The following MARCHF1 variants were observed in gnomAD, a reference collection of about 807,000 sequenced individuals.
MARCHF1 encodes the protein E3 ubiquitin-protein ligase MARCHF1.
In MARCHF1, 40 loss-of-function variants were observed where a neutral mutation model predicts 54.2. The ratio of observed to expected loss-of-function variants is 0.74; its 90% confidence interval spans 0.57 to 0.96. The LOEUF (loss-of-function observed/expected upper bound fraction) is 0.96, where lower values mean the gene tolerates loss of function less well. Among genes scored for constraint, MARCHF1 ranks in the 40% least tolerant of loss-of-function variants. The pLI, the probability that MARCHF1 is intolerant of heterozygous loss-of-function variation, is 0.00. For missense variants in MARCHF1, 586 were observed against 656.5 expected (o/e 0.89, Z 1.17); for synonymous variants, 236 against 236.3 (o/e 1.00, Z 0.01).
chr4:163,547,353 C>A (rs1738945775), intron 8 of MARCHF1, among the ~76,000 whole-genome samples: 1 of 152,214 alleles, frequency 6.6e-6, no homozygotes, highest in Admixed American at 6.5e-5. Flanking sequence ...GCCTTTCCAA[C>A]CTTTCTTGGC....
At chr4:163,696,966 A>T (rs1159232048) in intron 5 of MARCHF1, among the ~76,000 whole-genome samples, 1 of 152,090 alleles carries the variant, frequency 6.6e-6, no homozygotes, top group Non-Finnish European at 1.5e-5. Context: ...ACCCATGCTT[A>T]TGGCTGTGAT....
intron 5 of MARCHF1, among the ~76,000 whole-genome samples, chr4:163,692,585 T>C (rs1475789974): frequency 7.0e-6 from 1 of 143,162 alleles, no homozygotes; most frequent in Admixed American, 7.0e-5. Context: ...GGATTATGGC[T>C]CCTTGGCCCC....
intron 3 of MARCHF1, among the ~76,000 whole-genome samples, chr4:163,945,966 C>G (rs187415001): frequency 2.9e-4 from 43 of 150,706 alleles, no homozygotes; most frequent in East Asian, 1.8e-3. Context: ...TGGTAAATAT[C>G]AAACCCAGCT....
At chr4:163,813,995 G>T (rs1748465008) in intron 4 of MARCHF1, among the ~76,000 whole-genome samples, 1 of 152,118 alleles carries the variant, frequency 6.6e-6, no homozygotes, top group African/African-American at 2.4e-5. Flanking sequence ...CAGAATCCAG[G>T]GCTCAGGTCA....
At chr4:164,263,085 G>T (rs968625898) in intron 1 of MARCHF1, among the ~76,000 whole-genome samples, 1 of 152,066 alleles carries the variant, frequency 6.6e-6, no homozygotes, top group Non-Finnish European at 1.5e-5. Context: ...GAAAGCTTTG[G>T]GAAGTTTTAA....
rs191157969 is a variant in MARCHF1, at chr4:163,554,453, T to G, written c.1192-8710A>C. Among the ~76,000 whole-genome samples the G allele has an allele frequency of 3.3e-5, 5 of 151,670 alleles. No individual in the cohort carries two copies. In the East Asian group the frequency reaches 9.7e-4, roughly 29 times the overall value. On this transcript the variant is annotated intron_variant, in intron 8 of 9. Transcript: ENST00000514618. Reference sequence around the variant, plus strand: ...TGGGGTAGGAGCAGGAGGCCTGGGGTGGTGTGGAGGGAGAGGAGTACAATG... The same window carrying G: ...TGGGGTAGGAGCAGGAGGCCTGGGGGGGTGTGGAGGGAGAGGAGTACAATG...
chr4:163,701,389 CTG>C (rs1170800538), intron 4 of MARCHF1, among the ~76,000 whole-genome samples: 2 of 152,050 alleles, frequency 1.3e-5, no homozygotes, highest in African/African-American at 4.8e-5. Flanking sequence ...ATGCTTCTGA[CTG>C]TATATGTTTC....
intron 1 of MARCHF1, among the ~76,000 whole-genome samples, chr4:164,204,901 C>T (rs1369086420): frequency 6.6e-6 from 1 of 152,086 alleles, no homozygotes; most frequent in Non-Finnish European, 1.5e-5. Context: ...AATTCTCTTG[C>T]CATTTCAGCA....
chr4:163,799,337 C>T lies in MARCHF1; in HGVS notation c.111+54684G>A, dbSNP rs962134031. On this transcript the variant is annotated intron_variant, in intron 4 of 9. Coordinates refer to ENST00000514618, the MANE Select transcript of MARCHF1 (RefSeq NM_001394959.1). ...GGCAAGGTATTGTATCTAGATGTTCCTTAATTTGCAAGTTTTATGCATAGA... is the reference window on the plus strand; with the variant it reads ...GGCAAGGTATTGTATCTAGATGTTCTTTAATTTGCAAGTTTTATGCATAGA... 1.1e-4 allele frequency among the ~76,000 whole-genome samples: 16 copies of T among 152,092 alleles called. No individual in the cohort carries two copies. The East Asian group carries it at 2.7e-3, about 26-fold the overall frequency.
At chr4:163,752,063 C>G (rs1403144972) in intron 4 of MARCHF1, among the ~76,000 whole-genome samples, 1 of 152,072 alleles carries the variant, frequency 6.6e-6, no homozygotes, top group East Asian at 1.9e-4. Context: ...GGAAATAACT[C>G]ATAATAGGGA....
At chr4:163,602,216 T>C (rs1403396160) in intron 7 of MARCHF1, among the ~76,000 whole-genome samples, 3 of 152,252 alleles carry the variant, frequency 2.0e-5, no homozygotes, top group African/African-American at 4.8e-5. Flanking sequence ...TGTGGTGTTA[T>C]AAACATTTTA....
intron 4 of MARCHF1, among the ~76,000 whole-genome samples, chr4:163,729,801 T>C (rs539922812): frequency 3.3e-5 from 5 of 152,256 alleles, no homozygotes; most frequent in Non-Finnish European, 5.9e-5. Flanking sequence ...GATAACCTTA[T>C]TGAGGATTCC....
chr4:163,666,290 C>T (rs1039886822), intron 5 of MARCHF1, among the ~76,000 whole-genome samples: 9 of 151,908 alleles, frequency 5.9e-5, no homozygotes, highest in African/African-American at 2.2e-4. Flanking sequence ...TATATTTTTT[C>T]CATTACATGA....
chr4:164,064,658 G>A (rs529664901), intron 2 of MARCHF1, among the ~76,000 whole-genome samples: 14 of 152,160 alleles, frequency 9.2e-5, no homozygotes, highest in South Asian at 8.3e-4. Context: ...TTGCCTGATC[G>A]CCCTGGCCAG....
At chr4:164,101,159 A>C (rs1160105051) in intron 2 of MARCHF1, among the ~76,000 whole-genome samples, 1 of 152,174 alleles carries the variant, frequency 6.6e-6, no homozygotes, top group Non-Finnish European at 1.5e-5. Context: ...CTGAGATCAA[A>C]CTGCAAGGCA....
At chr4:163,544,483 A>G (rs1389071663) in intron 9 of MARCHF1, among the ~76,000 whole-genome samples, 2 of 152,122 alleles carry the variant, frequency 1.3e-5, no homozygotes, top group Non-Finnish European at 1.5e-5. Context: ...AACCCCATCC[A>G]CAATTCCTAT....
In MARCHF1 at chr4:164,380,682, C is replaced by A. The variant is rs1018279193; in HGVS notation, c.-323+3188G>T. Among the ~76,000 whole-genome samples the A allele has an allele frequency of 9.9e-5, 15 of 152,178 alleles. No individual in the cohort carries two copies. The South Asian group carries it at 2.9e-3, about 30-fold the overall frequency. On this transcript the variant is annotated intron_variant, in intron 1 of 9. Transcript: ENST00000514618. ...CTACATTAACAGCATTATTTTAACC[C>A]TCTAAATATTAGATCATCACACTCC... is the stretch of plus-strand genomic sequence containing the variant.
rs1488523541 is a variant in MARCHF1 at position 164,283,029 on chromosome 4, T to C, written c.-323+100841A>G. On this transcript the variant is annotated intron_variant, in intron 1 of 9. Coordinates refer to ENST00000514618, the MANE Select transcript of MARCHF1 (RefSeq NM_001394959.1). ...TTTTTAAGATTCAAGACTTCACCTATGGTGAAAGAAATGAGGCAACAGTAT... is the reference window on the plus strand; with the variant it reads ...TTTTTAAGATTCAAGACTTCACCTACGGTGAAAGAAATGAGGCAACAGTAT... Among the ~76,000 whole-genome samples, 4 of 151,288 alleles carry C rather than the reference T, an allele frequency of 2.6e-5. 1 individual carries two copies. Among genetic ancestry groups the C allele is most frequent in the South Asian group, 2.1e-4 (1 of 4,774 alleles).
chr4:164,118,545 C>G (rs993238892), intron 1 of MARCHF1, among the ~76,000 whole-genome samples: 1 of 150,148 alleles, frequency 6.7e-6, no homozygotes, highest in African/African-American at 2.4e-5. Flanking sequence ...TATAATACAC[C>G]CATTTAAGCT....
Sources: gnomAD v4.1 joint callset for allele counts (sites outside exome capture counted in the v4.1 genomes callset) on GRCh38, gnomAD v4.1.1 for gene constraint, MANE v1.5 for transcripts, NCBI Gene and HGNC (gene_info 2026-07-23, HGNC 2026-07-21) for gene names.